The following LINGO2 variants were observed in gnomAD, a reference collection of about 807,000 sequenced individuals.
LINGO2 encodes the protein leucine-rich repeat and immunoglobulin-like domain-containing nogo receptor-interacting protein 2.
Under a neutral mutation model 30.6 loss-of-function variants are expected in LINGO2, and 14 were observed. The observed-to-expected ratio is 0.46, with a 90% CI of 0.30 to 0.72. The LOEUF is 0.72. Among genes scored for constraint, LINGO2 ranks in the 30% least tolerant of loss-of-function variants. The pLI is 0.07. For synonymous variants in LINGO2, 317 were observed against 288.5 expected, an observed-to-expected ratio of 1.10 and a Z score of -1.00; for missense variants, 729 against 751.7, an observed-to-expected ratio of 0.97 and a Z score of 0.35.
intron 4 of LINGO2, among the ~76,000 whole-genome samples, chr9:28,257,149 T>TCA: frequency 6.6e-6 from 1 of 151,874 alleles, no homozygotes; most frequent in South Asian, 2.1e-4. Flanking sequence ...AATATTTATG[T>TCA]TATTATCTTT....
At chr9:27,981,415 A>T (rs143126119) in intron 5 of LINGO2, among the ~76,000 whole-genome samples, 1 of 151,264 alleles carries the variant, frequency 6.6e-6, no homozygotes. Flanking sequence ...TTTCTTTGAC[A>T]CTAAAGTTCG....
intron 4 of LINGO2, among the ~76,000 whole-genome samples, chr9:28,120,931 A>C (rs1055520536): frequency 8.5e-5 from 13 of 152,214 alleles, no homozygotes; most frequent in African/African-American, 3.1e-4. Flanking sequence ...TGGATTTAAA[A>C]ACAACAAAAC....
At chr9:28,390,945 T>C (rs1192618191) in intron 2 of LINGO2, among the ~76,000 whole-genome samples, 6 of 152,184 alleles carry the variant, frequency 3.9e-5, no homozygotes, top group Non-Finnish European at 1.5e-5. Flanking sequence ...CTGATATACT[T>C]GACAAGTCAG....
the LINGO2 span, among the ~76,000 whole-genome samples, chr9:28,706,714 G>A: frequency 1.3e-5 from 2 of 152,018 alleles, no homozygotes; most frequent in African/African-American, 2.4e-5. Context: ...AGCATTTTAG[G>A]GGACATGTAA....
At chr9:28,670,472 C>T (rs1465010173), upstream of LINGO2, among the ~76,000 whole-genome samples, 1 of 152,034 alleles carries the variant, frequency 6.6e-6, no homozygotes. Flanking sequence ...CTGGGACTTC[C>T]GAGGTACTAA....
At chr9:28,593,056 A>G (rs1426684677) in intron 1 of LINGO2, among the ~76,000 whole-genome samples, 1 of 152,102 alleles carries the variant, frequency 6.6e-6, no homozygotes, top group Admixed American at 6.6e-5. Context: ...ATTAACAAAT[A>G]CTAATTACAT....
intron 1 of LINGO2, among the ~76,000 whole-genome samples, chr9:28,494,406 C>T (rs1009205057): frequency 6.6e-6 from 1 of 152,056 alleles, no homozygotes; most frequent in Non-Finnish European, 1.5e-5. Flanking sequence ...TGTGATGTTC[C>T]CCTTCCTGTG....
chr9:29,097,056 A>C, the LINGO2 span, among the ~76,000 whole-genome samples: 12 of 139,612 alleles, frequency 8.6e-5, 2 homozygotes, highest in South Asian at 2.7e-3. Flanking sequence ...AGATAGCAGC[A>C]TTCTAAGGTA....
At chr9:28,144,345 A>T (rs1827755297) in intron 4 of LINGO2, among the ~76,000 whole-genome samples, 1 of 152,174 alleles carries the variant, frequency 6.6e-6, no homozygotes, top group East Asian at 1.9e-4. Flanking sequence ...ATCCCTTAGG[A>T]TTCTTGTTAA....
chr9:28,576,380 T>C (rs1563836988), intron 1 of LINGO2, among the ~76,000 whole-genome samples: 1 of 152,112 alleles, frequency 6.6e-6, no homozygotes, highest in Non-Finnish European at 1.5e-5. Context: ...AAATCACAAA[T>C]AGAACCTTCA....
chr9:28,255,260 A>G lies in LINGO2; in HGVS notation c.-87+39948T>C, dbSNP rs1041967891. Among the ~76,000 whole-genome samples, 7 of 151,222 alleles carry G rather than the reference A, an allele frequency of 4.6e-5. No individual in the cohort carries two copies. The South Asian group carries it at 8.3e-4, about 18-fold the overall frequency. ...CTAGCACACTTAAAATTATTTCGCT[A>G]TTTCTAGGTGTATAGTAACATCTGT... On this transcript the variant is annotated intron_variant, in intron 4 of 5. Coordinates refer to ENST00000379992, the Ensembl canonical transcript of LINGO2.
chr9:28,370,521 A>T (rs966233747), intron 3 of LINGO2, among the ~76,000 whole-genome samples: 22 of 152,202 alleles, frequency 1.4e-4, no homozygotes, highest in Admixed American at 1.2e-3. Flanking sequence ...TGAACTGCAC[A>T]ACATTTACCT....
the LINGO2 span, among the ~76,000 whole-genome samples, chr9:28,957,037 C>G: frequency 4.6e-5 from 7 of 152,000 alleles, no homozygotes; most frequent in East Asian, 5.9e-4. Context: ...AGTGGGAGCA[C>G]AGGAAATTGT....
the LINGO2 span, among the ~76,000 whole-genome samples, chr9:29,213,456 G>C: frequency 6.6e-6 from 1 of 152,094 alleles, no homozygotes; most frequent in Non-Finnish European, 1.5e-5. Context: ...AAACTTTCAG[G>C]GGAGGCAGCG....
intron 3 of LINGO2, among the ~76,000 whole-genome samples, chr9:28,302,811 A>G (rs1358265867): frequency 3.3e-5 from 5 of 152,202 alleles, no homozygotes; most frequent in Non-Finnish European, 7.3e-5. Flanking sequence ...GTCACATTGT[A>G]TGCTTTACAT....
the LINGO2 span, among the ~76,000 whole-genome samples, chr9:29,213,262 G>A: frequency 6.6e-6 from 1 of 152,146 alleles, no homozygotes; most frequent in African/African-American, 2.4e-5. Flanking sequence ...AGTTGCGGCC[G>A]CTCCTCTTGC....
the LINGO2 span, among the ~76,000 whole-genome samples, chr9:29,134,369 CA>C: frequency 8.7e-4 from 132 of 152,220 alleles, no homozygotes; most frequent in Admixed American, 1.5e-3. Context: ...TCAAAATAAA[CA>C]TTTTTTTATT....
chr9:28,015,614 G>A (rs1163391800), intron 4 of LINGO2, among the ~76,000 whole-genome samples: 1 of 152,060 alleles, frequency 6.6e-6, no homozygotes, highest in Non-Finnish European at 1.5e-5. Context: ...AGGAACACAG[G>A]TTTTGGAAAG....
the LINGO2 span, among the ~76,000 whole-genome samples, chr9:28,879,129 C>T: frequency 6.6e-6 from 1 of 152,180 alleles, no homozygotes; most frequent in Non-Finnish European, 1.5e-5. Context: ...TGATACGCAA[C>T]TTCAGCAAAG....
Sources: allele counts gnomAD v4.1 joint callset (sites outside exome capture counted in the v4.1 genomes callset), GRCh38; gene constraint gnomAD v4.1.1; transcripts MANE v1.5; gene names NCBI Gene and HGNC (gene_info 2026-07-23, HGNC 2026-07-21).